KCNJ6: variants seen among roughly 807,000 people sequenced by gnomAD.
KCNJ6 encodes G protein-activated inward rectifier potassium channel 2.
Under a neutral mutation model 34.2 loss-of-function variants are expected in KCNJ6, and 9 were observed. That is an observed-to-expected ratio of 0.26 (90% CI 0.16 to 0.46). The LOEUF is 0.46. Ranked by LOEUF, KCNJ6 falls within the 20% of genes least tolerant of loss-of-function variation. The pLI is 1.00. For synonymous variants in KCNJ6, 196 were observed against 207.1 expected (o/e 0.95, Z 0.46); for missense variants, 236 against 531.3 (o/e 0.44, Z 5.46).
chr21:37,630,507 A>G (rs1350135203), intron 3 of KCNJ6, among the ~76,000 whole-genome samples: 1 of 152,208 alleles, frequency 6.6e-6, no homozygotes, highest in Admixed American at 6.5e-5. Flanking sequence ...TGAATTTATT[A>G]TTAAATAAAA....
intron 2 of KCNJ6, among the ~76,000 whole-genome samples, chr21:37,801,512 G>A (rs1021746079): frequency 6.6e-5 from 10 of 152,128 alleles, no homozygotes; most frequent in African/African-American, 2.2e-4. Flanking sequence ...TCACCCTCAC[G>A]GGCAGCCCCA....
At position 37,618,006 on chromosome 21, in the gene KCNJ6, A is replaced by G. The variant is rs2054278692; in HGVS notation, c.*7153T>C. 2 of 152,256 alleles carry G rather than the reference A, an allele frequency of 1.3e-5. No homozygotes were observed. The highest frequency in any genetic ancestry group is 2.9e-5 in the Non-Finnish European group (2 of 68,106). 9.4% of individuals were successfully genotyped at this position (152,256 alleles called of 1,614,324 possible). A position where few individuals can be genotyped will look rare whatever the true frequency, so the allele number is the denominator to read the frequency against. On this transcript the variant is annotated 3_prime_UTR_variant, in exon 4 of 4. Transcript: ENST00000609713. ...GCAAGAGCCAGACCCTGCAGGGAGA[A>G]GCTCCCCTAGAGAGACCTCAGTGGG...
chr21:37,815,612 T>G (rs1318312782), intron 2 of KCNJ6, among the ~76,000 whole-genome samples: 1 of 152,226 alleles, frequency 6.6e-6, no homozygotes, highest in Non-Finnish European at 1.5e-5. Context: ...GAAAACTTGG[T>G]GCTCCAGGGA....
At chr21:37,778,696 C>CATGTGG in intron 2 of KCNJ6, among the ~76,000 whole-genome samples, 1 of 146,268 alleles carries the variant, frequency 6.8e-6, no homozygotes, top group South Asian at 2.2e-4. Flanking sequence ...GTGCTGTGTG[C>CATGTGG]GTGTGTGTGT....
Position 37,614,924 on chromosome 21 carries a change from CA to C in KCNJ6, c.*10234del, listed in dbSNP as rs1160554722. On this transcript the variant is annotated 3_prime_UTR_variant, in exon 4 of 4. Transcript: ENST00000609713. ...ATAGTGTAACATTCAGAGGAATCCT[CA>C]TTCTTTTAGAAAAGGAAAAAATCTC... 10 of 152,254 alleles carry C rather than the reference CA, an allele frequency of 6.6e-5. No individual in the cohort carries two copies. Among genetic ancestry groups the C allele is most frequent in the African/African-American group, 2.2e-4 (9 of 41,532 alleles). The allele number at this position is 152,254 out of a possible 1,614,324, so 9.4% of individuals were successfully genotyped here.
intron 1 of KCNJ6, among the ~76,000 whole-genome samples, chr21:37,892,579 T>C (rs1259187048): frequency 2.6e-5 from 4 of 152,196 alleles, no homozygotes; most frequent in African/African-American, 9.7e-5. Flanking sequence ...CTTAGGTCCC[T>C]GCTGGGTCAT....
rs570148196 is a variant in KCNJ6 at position 37,675,172 on chromosome 21, G to A, written c.946+39039C>T. On this transcript the variant is annotated intron_variant, in intron 3 of 3. Coordinates refer to ENST00000609713, the MANE Select transcript of KCNJ6 (RefSeq NM_002240.5). The surrounding 1 kb of genome is among the most constrained non-coding windows in gnomAD (Gnocchi z 4.2). ...TTTTATTTAATGTGATATTCCCAGC[G>A]TCTGGCAATGTAGCAGGGGCTCCGT... Among the ~76,000 whole-genome samples, 2 of 152,160 alleles carry A rather than the reference G, an allele frequency of 1.3e-5. No homozygotes were observed. Among genetic ancestry groups the A allele is most frequent in the East Asian group, 1.9e-4 (1 of 5,190 alleles).
At chr21:37,872,707 T>G (rs751866399) in intron 1 of KCNJ6, among the ~76,000 whole-genome samples, 1 of 152,178 alleles carries the variant, frequency 6.6e-6, no homozygotes, top group Non-Finnish European at 1.5e-5. Flanking sequence ...ATCAATACTC[T>G]CTATAGGCCT....
chr21:37,651,324 C>T (rs1323361855), intron 3 of KCNJ6, among the ~76,000 whole-genome samples: 1 of 152,186 alleles, frequency 6.6e-6, no homozygotes, highest in East Asian at 1.9e-4. Flanking sequence ...CTGTCGGCCA[C>T]ATCAATAAAC....
chr21:37,889,557 C>T (rs1241681927), intron 1 of KCNJ6, among the ~76,000 whole-genome samples: 1 of 152,172 alleles, frequency 6.6e-6, no homozygotes, highest in Non-Finnish European at 1.5e-5. Context: ...TGACAAAGTA[C>T]TACAACCTGG....
At chr21:37,773,416 A>G (rs957771912) in intron 2 of KCNJ6, among the ~76,000 whole-genome samples, 1 of 152,132 alleles carries the variant, frequency 6.6e-6, no homozygotes, top group African/African-American at 2.4e-5. Flanking sequence ...GTTCCTGGTA[A>G]GGGAAACAGC....
intron 3 of KCNJ6, among the ~76,000 whole-genome samples, chr21:37,702,802 G>A (rs1201530726): frequency 1.3e-5 from 2 of 152,200 alleles, no homozygotes; most frequent in African/African-American, 4.8e-5. Flanking sequence ...TCTTATTGAG[G>A]TAGGAGGGAA....
At chr21:37,884,195 G>A (rs369518677) in intron 1 of KCNJ6, among the ~76,000 whole-genome samples, 6 of 152,290 alleles carry the variant, frequency 3.9e-5, no homozygotes, top group East Asian at 1.9e-4. Context: ...CAGGTGTGTC[G>A]TCAGGGCTCT....
chr21:37,908,062 G>A (rs1390323031), intron 1 of KCNJ6, among the ~76,000 whole-genome samples: 2 of 152,206 alleles, frequency 1.3e-5, no homozygotes, highest in Non-Finnish European at 2.9e-5. Context: ...GGATTAACAT[G>A]CATTACTGGT....
chr21:37,875,330 T>C (rs186437898), intron 1 of KCNJ6, among the ~76,000 whole-genome samples: 59 of 152,324 alleles, frequency 3.9e-4, no homozygotes, highest in African/African-American at 1.4e-3. Flanking sequence ...CCCAGCACAG[T>C]GCTTAGCGGG....
chr21:37,638,047 G>A (rs1207045434), intron 3 of KCNJ6, among the ~76,000 whole-genome samples: 1 of 152,180 alleles, frequency 6.6e-6, no homozygotes, highest in Non-Finnish European at 1.5e-5. Flanking sequence ...AGTGGGGTGA[G>A]GGTTCTCATT....
intron 3 of KCNJ6, among the ~76,000 whole-genome samples, chr21:37,706,646 C>G (rs1253703967): frequency 6.6e-6 from 1 of 152,148 alleles, no homozygotes; most frequent in African/African-American, 2.4e-5. Context: ...CATAACTTAG[C>G]CAAAGCAGAC....
At chr21:37,755,087 C>T (rs1164094765) in intron 2 of KCNJ6, among the ~76,000 whole-genome samples, 3 of 152,166 alleles carry the variant, frequency 2.0e-5, no homozygotes, top group Admixed American at 2.0e-4. Flanking sequence ...CTTAAGGACC[C>T]GAGCGAGACC....
chr21:37,761,221 G>A (rs371850353), intron 2 of KCNJ6, among the ~76,000 whole-genome samples: 147 of 151,214 alleles, frequency 9.7e-4, no homozygotes, highest in African/African-American at 3.4e-3. Flanking sequence ...GTGTGTGTGT[G>A]CATGTCTGTG....
Sources: gnomAD v4.1 joint callset for allele counts (sites outside exome capture counted in the v4.1 genomes callset) on GRCh38, gnomAD v4.1.1 for gene constraint, Gnocchi (gnomAD v3.1) non-coding constraint, MANE v1.5 for transcripts, NCBI Gene and HGNC (gene_info 2026-07-23, HGNC 2026-07-21) for gene names.